AKAP6: variants seen among roughly 807,000 people sequenced by gnomAD.
The protein encoded by AKAP6 is A-kinase anchoring protein 6, also known as A-kinase anchor protein 6.
A neutral mutation model predicts 188.5 loss-of-function variants in AKAP6; 58 were observed. That is an observed-to-expected ratio of 0.31 (90% CI 0.25 to 0.38). The LOEUF is 0.38. Among genes scored for constraint, AKAP6 ranks in the 10% least tolerant of loss-of-function variants. The pLI is 1.00. For synonymous variants in AKAP6, 989 were observed against 998.6 expected (o/e 0.99, Z 0.18); for missense variants, 2,710 against 2,740.0 (o/e 0.99, Z 0.24).
intron 11 of AKAP6, among the ~76,000 whole-genome samples, chr14:32,760,179 G>T (rs781211751): frequency 1.3e-5 from 2 of 152,130 alleles, no homozygotes; most frequent in African/African-American, 2.4e-5. Context: ...AGCAATAAAG[G>T]CATATTGAAA....
In AKAP6 at chr14:32,507,691, C is replaced by T. The variant is rs145845321; in HGVS notation, c.325-27863C>T. Among the ~76,000 whole-genome samples, 681 of 152,160 alleles carry T rather than the reference C, an allele frequency of 4.5e-3. 2 individuals are homozygous for T. Among genetic ancestry groups the T allele is most frequent in the African/African-American group, 9.7e-3 (402 of 41,518 alleles). Reference sequence around the variant, plus strand: ...GCAGTCAAGTGCTATTGGAGATCAGCGGACAAAGAATTCAGTGTGGCCTGG... The same window carrying T: ...GCAGTCAAGTGCTATTGGAGATCAGTGGACAAAGAATTCAGTGTGGCCTGG... On this transcript the variant is annotated intron_variant, in intron 2 of 13. Transcript: ENST00000280979.
intron 7 of AKAP6, among the ~76,000 whole-genome samples, chr14:32,644,420 T>C (rs1887894891): frequency 6.6e-6 from 1 of 152,186 alleles, no homozygotes; most frequent in African/African-American, 2.4e-5. Flanking sequence ...AGGTTGTATC[T>C]GGCAATGCTG....
At chr14:32,611,769 T>C in intron 7 of AKAP6, among the ~76,000 whole-genome samples, 1 of 152,120 alleles carries the variant, frequency 6.6e-6, no homozygotes, top group East Asian at 1.9e-4. Flanking sequence ...AGAGTGAACT[T>C]AGCATGTTTA....
chr14:32,500,091 T>C (rs1880531879), intron 2 of AKAP6, among the ~76,000 whole-genome samples: 1 of 152,176 alleles, frequency 6.6e-6, no homozygotes, highest in African/African-American at 2.4e-5. Flanking sequence ...AGGATCTTTG[T>C]ACTTTATCCA....
chr14:32,632,557 G>A (rs1361347970), intron 7 of AKAP6, among the ~76,000 whole-genome samples: 4 of 152,032 alleles, frequency 2.6e-5, no homozygotes, highest in Non-Finnish European at 5.9e-5. Flanking sequence ...TATGCTCAGA[G>A]GAAATGATAA....
chr14:32,626,439 G>A (rs1887026434), intron 7 of AKAP6, among the ~76,000 whole-genome samples: 2 of 151,984 alleles, frequency 1.3e-5, no homozygotes, highest in Admixed American at 6.6e-5. Context: ...TCAAACTCCA[G>A]CTCAGAAGCC....
intron 2 of AKAP6, among the ~76,000 whole-genome samples, chr14:32,510,405 T>TATATATATATATACAC (rs1555335129): frequency 1.0e-5 from 1 of 98,030 alleles, no homozygotes; most frequent in South Asian, 2.5e-4. Context: ...TATATATATG[T>TATATATATATATACAC]ATATATATGT....
intron 12 of AKAP6, among the ~76,000 whole-genome samples, chr14:32,812,156 A>G (rs889828035): frequency 6.6e-6 from 1 of 152,220 alleles, no homozygotes; most frequent in Non-Finnish European, 1.5e-5. Flanking sequence ...AGATATTATC[A>G]TTGGGAGAAA....
At position 32,546,004 on chromosome 14, in the gene AKAP6, G is replaced by T; in HGVS notation, c.1351G>T (p.Ala451Ser). The change falls in exon 4 of 14, where the codon GCT becomes TCT. Residue 451 changes from alanine (A) to serine (S), a missense_variant. Coordinates refer to ENST00000280979, the MANE Select transcript of AKAP6 (RefSeq NM_004274.5). The stretch of plus-strand genomic sequence containing the variant: ...GTCTTCTTACCCCAACAGCCCTTCT[G>T]CTGCCAGCCAGTCTTATGAGTGTTT... ...LQSSYPNSPS[A>S]ASQSYECLHK... 2 of 1,614,140 alleles carry T rather than the reference G, an allele frequency of 1.2e-6. No individual in the cohort carries two copies. The highest frequency in any genetic ancestry group is 1.7e-6 in the Non-Finnish European group (2 of 1,180,018).
intron 1 of AKAP6, among the ~76,000 whole-genome samples, chr14:32,386,244 T>A (rs1888534738): frequency 6.6e-6 from 1 of 152,082 alleles, no homozygotes; most frequent in Admixed American, 6.6e-5. Flanking sequence ...GTGTTCCCTG[T>A]TCACCACATC....
At position 32,545,523 on chromosome 14, in the gene AKAP6, T is replaced by C; in HGVS notation, c.870T>C (p.Val290=). The C allele has an allele frequency of 6.2e-7, 1 of 1,614,244 alleles. No individual in the cohort carries two copies. Among genetic ancestry groups the C allele is most frequent in the South Asian group, 1.1e-5 (1 of 91,086 alleles). The change falls in exon 4 of 14, where the codon GTT becomes GTC. Residue 290 remains valine, a synonymous_variant. Transcript: ENST00000280979. The part of the protein sequence containing the change: ...DSISTNGSEA[V]TEEVSQVSLS... ...TCTCTACCAATGGCAGTGAAGCAGT[T>C]ACTGAGGAGGTATCTCAAGTATCTC...
rs1480196297 is a variant in AKAP6 at position 32,559,782 on chromosome 14, TC to T, written c.2346+12784del. 9.7e-4 allele frequency among the ~76,000 whole-genome samples: 136 copies of T among 139,508 alleles called. 1 individual carries two copies. Among genetic ancestry groups the T allele is most frequent in the African/African-American group, 3.7e-3 (124 of 33,722 alleles). 91.5% of individuals were successfully genotyped at this position (139,508 alleles called of 152,430 possible). Reference sequence around the variant, plus strand: ...TTGGGAGGTAGTCCTCTAAGCCTAATCTTTTTTTTTTTTTTTTTTTTTAAGG... The same window carrying T: ...TTGGGAGGTAGTCCTCTAAGCCTAATTTTTTTTTTTTTTTTTTTTTTAAGG... On this transcript the variant is annotated intron_variant, in intron 4 of 13. Transcript: ENST00000280979.
intron 7 of AKAP6, among the ~76,000 whole-genome samples, chr14:32,640,529 G>C (rs1284884853): frequency 6.6e-6 from 1 of 151,980 alleles, no homozygotes; most frequent in Admixed American, 6.6e-5. Context: ...TGTAACAATT[G>C]ATAAATGTCT....
rs927802410 is a variant in AKAP6 at position 32,653,980 on chromosome 14, T to C, written c.2731-24331T>C. ...TCATAGTAGCAAATCAGATGGCCCATGTCTTGGGCCATTTGGGTTCTTCTG... is the reference window on the plus strand; with the variant it reads ...TCATAGTAGCAAATCAGATGGCCCACGTCTTGGGCCATTTGGGTTCTTCTG... On this transcript the variant is annotated intron_variant, in intron 7 of 13. Transcript: ENST00000280979. Among the ~76,000 whole-genome samples the C allele has an allele frequency of 7.2e-5, 11 of 152,274 alleles. No homozygotes were observed. The East Asian group carries it at 2.1e-3, about 29-fold the overall frequency.
intron 12 of AKAP6, among the ~76,000 whole-genome samples, chr14:32,802,237 G>A (rs572774642): frequency 1.1e-4 from 17 of 152,246 alleles, no homozygotes; most frequent in African/African-American, 3.9e-4. Flanking sequence ...GCAAGGATAT[G>A]TTTTGGCTTC....
intron 11 of AKAP6, 44 bp from the exon 12 acceptor site, chr14:32,773,634 C>T (rs1437994172): frequency 1.3e-6 from 2 of 1,542,572 alleles, no homozygotes; most frequent in Admixed American, 3.8e-5. Flanking sequence ...TTAGGGAACT[C>T]TGCCCTATAA....
Position 32,546,909 on chromosome 14 carries a change from C to T in AKAP6, c.2256C>T (p.Ser752=). 6.2e-7 allele frequency: 1 copy of T among 1,613,590 alleles called. No individual in the cohort carries two copies. The highest frequency in any genetic ancestry group is 8.5e-7 in the Non-Finnish European group (1 of 1,180,002). Residue 752 remains serine, a synonymous_variant, in exon 4 of 14, where the codon AGC becomes AGT. Transcript: ENST00000280979. Reference sequence around the variant, plus strand: ...CTTCATCCTCTGAGAAAAATGAGAGCCATTCTGCCACTAAATCAGCTTTAA... The same window carrying T: ...CTTCATCCTCTGAGAAAAATGAGAGTCATTCTGCCACTAAATCAGCTTTAA... ...ERASSSEKNE[S]HSATKSALIQ...
chr14:32,469,420 T>TAGATTCCTA (rs1211298876), intron 2 of AKAP6, among the ~76,000 whole-genome samples: 2 of 152,234 alleles, frequency 1.3e-5, no homozygotes, highest in East Asian at 3.8e-4. Flanking sequence ...AAACTACCAG[T>TAGATTCCTA]AGATTCCTAG....
At chr14:32,453,575 CTTTTTTTTTTTTTTTTTTTTT>C (rs71115071) in intron 2 of AKAP6, among the ~76,000 whole-genome samples, 19 of 95,358 alleles carry the variant, frequency 2.0e-4, no homozygotes, top group South Asian at 1.3e-3. Context: ...TTTTTCTTTT[CTTTTTTTTTTTTTTTTTTTTT>C]TTTTTTTTTT....
Sources: gnomAD v4.1 joint callset for allele counts (sites outside exome capture counted in the v4.1 genomes callset) on GRCh38, gnomAD v4.1.1 for gene constraint, MANE v1.5 for transcripts, NCBI Gene and HGNC (gene_info 2026-07-23, HGNC 2026-07-21) for gene names.